PDK1: variants seen among roughly 807,000 people sequenced by gnomAD.
PDK1 encodes the protein pyruvate dehydrogenase kinase 1, also known as [Pyruvate dehydrogenase (acetyl-transferring)] kinase isozyme 1, mitochondrial.
A neutral mutation model predicts 54.2 loss-of-function variants in PDK1; 39 were observed. The observed-to-expected ratio is 0.72, with a 90% CI of 0.56 to 0.94. The LOEUF (loss-of-function observed/expected upper bound fraction) is 0.94, where lower values mean the gene tolerates loss of function less well. Ranked by LOEUF, PDK1 falls within the 40% of genes least tolerant of loss-of-function variation. The pLI, the probability that PDK1 is intolerant of heterozygous loss-of-function variation, is 0.00. For missense variants in PDK1, 552 were observed against 566.0 expected (o/e 0.98, Z 0.25); for synonymous variants, 221 against 207.1 (o/e 1.07, Z -0.58).
At chr2:172,701,014 G>A in the PDK1 span, among the ~76,000 whole-genome samples, 1 of 152,184 alleles carries the variant, frequency 6.6e-6, no homozygotes, top group African/African-American at 2.4e-5. Flanking sequence ...GGGAGAGGGA[G>A]AGGGAGGAGA....
At chr2:172,719,010 T>G in the PDK1 span, among the ~76,000 whole-genome samples, 1 of 152,210 alleles carries the variant, frequency 6.6e-6, no homozygotes, top group African/African-American at 2.4e-5. Context: ...CTTAGCAAGC[T>G]CTGATCTATT....
the PDK1 span, among the ~76,000 whole-genome samples, chr2:172,643,311 C>A: frequency 2.6e-5 from 4 of 152,290 alleles, no homozygotes; most frequent in South Asian, 8.3e-4. Context: ...CTCCTGTCAT[C>A]CGTTTGTCAA....
At chr2:172,623,880 A>G in the PDK1 span, among the ~76,000 whole-genome samples, 2 of 152,208 alleles carry the variant, frequency 1.3e-5, no homozygotes, top group African/African-American at 2.4e-5. Context: ...TTAAAATTCC[A>G]TAGGTTGGTT....
At chr2:172,576,014 G>A (rs750273101) in intron 8 of PDK1, among the ~76,000 whole-genome samples, 27 of 151,894 alleles carry the variant, frequency 1.8e-4, no homozygotes, top group Non-Finnish European at 2.9e-4. Flanking sequence ...TACAAGCTCC[G>A]CCTCCCGAGT....
intron 10 of PDK1, among the ~76,000 whole-genome samples, 157 bp from the exon 11 acceptor site, chr2:172,595,672 A>G (rs893039499): frequency 6.6e-6 from 1 of 152,234 alleles, no homozygotes; most frequent in Non-Finnish European, 1.5e-5. Context: ...TCAAATATAC[A>G]TACCATTTAA....
the PDK1 span, among the ~76,000 whole-genome samples, chr2:172,669,116 G>A: frequency 2.2e-5 from 3 of 137,434 alleles, no homozygotes; most frequent in African/African-American, 8.2e-5. Context: ...CTGGAGTGCA[G>A]TGGCGCAATC....
the PDK1 span, among the ~76,000 whole-genome samples, chr2:172,700,803 A>C: frequency 6.6e-6 from 1 of 152,182 alleles, no homozygotes; most frequent in African/African-American, 2.4e-5. Context: ...GGAGCTGGAG[A>C]CCAGCCTGGC....
At chr2:172,636,798 G>A in the PDK1 span, among the ~76,000 whole-genome samples, 4 of 151,518 alleles carry the variant, frequency 2.6e-5, no homozygotes, top group South Asian at 6.2e-4. Flanking sequence ...TCTACCCGAT[G>A]GTCCATACAT....
intron 9 of PDK1, 117 bp downstream of exon 9, chr2:172,586,505 C>T: frequency 3.6e-6 from 2 of 560,686 alleles, no homozygotes; most frequent in Non-Finnish European, 6.4e-6. Flanking sequence ...GAAAGAAGCT[C>T]TTAGAAATGC....
At chr2:172,707,445 CCTTTCCTAGTCCT>C in the PDK1 span, among the ~76,000 whole-genome samples, 1 of 152,126 alleles carries the variant, frequency 6.6e-6, no homozygotes, top group East Asian at 1.9e-4. Flanking sequence ...CCAGGGTACC[CCTTTCCTAGTCCT>C]CTGGCTAGAG....
the PDK1 span, among the ~76,000 whole-genome samples, chr2:172,702,701 T>A: frequency 0.025 from 3,726 of 152,056 alleles, 83 homozygotes; most frequent in South Asian, 0.073. Context: ...CTTTTGGATT[T>A]TGGCCCTATA....
At chr2:172,686,450 TTGTAAAATGGACCAATCAGCACAC>T in the PDK1 span, among the ~76,000 whole-genome samples, 3 of 152,092 alleles carry the variant, frequency 2.0e-5, no homozygotes, top group Admixed American at 1.3e-4. Flanking sequence ...AGCTGGAGGT[TTGTAAAATGGACCAATCAGCACAC>T]TGTAAAATGG....
At chr2:172,622,242 G>GATGTTATATCTCATATTATGTGAGAT in the PDK1 span, among the ~76,000 whole-genome samples, 1 of 117,296 alleles carries the variant, frequency 8.5e-6, no homozygotes, top group Non-Finnish European at 1.7e-5. Flanking sequence ...TATTATGTGA[G>GATGTTATATCTCATATTATGTGAGAT]ATGTTTATAT....
At chr2:172,584,763 T>A (rs182538784) in intron 8 of PDK1, among the ~76,000 whole-genome samples, 101 of 148,854 alleles carry the variant, frequency 6.8e-4, no homozygotes, top group Non-Finnish European at 1.2e-3. Flanking sequence ...GAAGTGATCC[T>A]CCTGCCTCAG....
At chr2:172,562,673 G>C (rs1372178875) in intron 3 of PDK1, 3 of 871,732 alleles carry the variant, frequency 3.4e-6, no homozygotes, top group Admixed American at 3.9e-5. Context: ...TACAAGTCTA[G>C]ATTTGTAATG....
At chr2:172,671,564 A>G in the PDK1 span, among the ~76,000 whole-genome samples, 1 of 151,450 alleles carries the variant, frequency 6.6e-6, no homozygotes, top group Admixed American at 6.6e-5. Context: ...GTTGTTGTAA[A>G]AATAACTTGA....
chr2:172,568,602 G>T, intron 6 of PDK1, 139 bp from the exon 7 acceptor site: 1 of 626,438 alleles, frequency 1.6e-6, no homozygotes. Context: ...ATACATTGAA[G>T]AAATGGTGTG....
the PDK1 span, among the ~76,000 whole-genome samples, chr2:172,621,572 T>G: frequency 1.4e-5 from 2 of 146,916 alleles, no homozygotes; most frequent in East Asian, 4.0e-4. Context: ...ATATTTATAT[T>G]ATATATGATA....
the PDK1 span, among the ~76,000 whole-genome samples, chr2:172,710,971 T>C: frequency 6.6e-6 from 1 of 152,254 alleles, no homozygotes; most frequent in Non-Finnish European, 1.5e-5. Flanking sequence ...AAGCCTATTA[T>C]TGGAAAGCAC....
Sources: gnomAD v4.1 joint callset for allele counts (sites outside exome capture counted in the v4.1 genomes callset) on GRCh38, gnomAD v4.1.1 for gene constraint, MANE v1.5 for transcripts, NCBI Gene and HGNC (gene_info 2026-07-23, HGNC 2026-07-21) for gene names.